Variants in PTPRD observed in about 807,000 individuals in gnomAD.
PTPRD encodes the protein receptor-type tyrosine-protein phosphatase delta.
Under a neutral mutation model 214.5 loss-of-function variants are expected in PTPRD, and 34 were observed. That is an observed-to-expected ratio of 0.16 (90% CI 0.12 to 0.21). PTPRD has a LOEUF of 0.21. Ranked by LOEUF, PTPRD falls within the 10% of genes least tolerant of loss-of-function variation. The pLI, the probability that PTPRD is intolerant of heterozygous loss-of-function variation, is 1.00. For synonymous variants in PTPRD, 1,128 were observed against 845.7 expected (o/e 1.33, Z -5.79); for missense variants, 2,545 against 2,398.7 (o/e 1.06, Z -1.27).
chr9:9,964,559 CTT>C (rs1478493513), intron 4 of PTPRD, among the ~76,000 whole-genome samples: 1 of 152,170 alleles, frequency 6.6e-6, no homozygotes, highest in Non-Finnish European at 1.5e-5. Flanking sequence ...AGGAAATCCT[CTT>C]GACGTGGGTT....
At chr9:10,020,290 A>G (rs947270997) in intron 4 of PTPRD, among the ~76,000 whole-genome samples, 9 of 152,260 alleles carry the variant, frequency 5.9e-5, no homozygotes, top group African/African-American at 1.7e-4. Flanking sequence ...TATCAATACA[A>G]TATTAGTTTC....
chr9:9,955,873 T>C (rs1328603136), intron 4 of PTPRD, among the ~76,000 whole-genome samples: 1 of 152,104 alleles, frequency 6.6e-6, no homozygotes, highest in African/African-American at 2.4e-5. Context: ...ACAAAGATTT[T>C]CCAAAACTTA....
chr9:10,050,431 GCGT>G (rs1036314840), intron 3 of PTPRD, among the ~76,000 whole-genome samples: 2 of 150,850 alleles, frequency 1.3e-5, no homozygotes, highest in Non-Finnish European at 3.0e-5. Flanking sequence ...GTGGTGGCGC[GCGT>G]CTGTAGTCCC....
chr9:8,688,053 T>A (rs1036996478), intron 12 of PTPRD, among the ~76,000 whole-genome samples: 3 of 152,248 alleles, frequency 2.0e-5, no homozygotes, highest in Non-Finnish European at 4.4e-5. Context: ...ATGAGAGTTA[T>A]GTGGCTTAAA....
intron 10 of PTPRD, among the ~76,000 whole-genome samples, chr9:9,148,534 T>C (rs1329411823): frequency 6.6e-6 from 1 of 152,158 alleles, no homozygotes. Context: ...CTCACCCCCA[T>C]ATGGCTGACA....
intron 2 of PTPRD, among the ~76,000 whole-genome samples, chr9:10,430,871 C>G (rs1402885141): frequency 6.6e-6 from 1 of 151,884 alleles, no homozygotes; most frequent in Non-Finnish European, 1.5e-5. Flanking sequence ...GTTGACAACA[C>G]TTAGTGATAA....
chr9:10,115,092 A>G (rs2098720283), intron 3 of PTPRD, among the ~76,000 whole-genome samples: 1 of 151,954 alleles, frequency 6.6e-6, no homozygotes, highest in Non-Finnish European at 1.5e-5. Context: ...TGTGGCAAGG[A>G]CAAGGTTTAG....
intron 11 of PTPRD, among the ~76,000 whole-genome samples, chr9:8,734,260 A>G (rs148769105): frequency 0.012 from 1,836 of 152,348 alleles, 14 homozygotes; most frequent in Non-Finnish European, 0.017. Flanking sequence ...GACCTAAAAA[A>G]GGAACTGTCA....
intron 9 of PTPRD, among the ~76,000 whole-genome samples, chr9:9,283,459 C>T (rs1200757212): frequency 1.4e-5 from 2 of 138,520 alleles, no homozygotes; most frequent in African/African-American, 5.6e-5. Context: ...CTTTCAGGCA[C>T]AGCATAATGT....
intron 9 of PTPRD, among the ~76,000 whole-genome samples, chr9:9,214,630 T>A (rs1347280605): frequency 6.6e-6 from 1 of 152,182 alleles, no homozygotes; most frequent in Non-Finnish European, 1.5e-5. Flanking sequence ...GACCTCTCTG[T>A]GACTTTTTTG....
chr9:10,605,116 T>G (rs559601749), intron 2 of PTPRD, among the ~76,000 whole-genome samples: 1 of 151,954 alleles, frequency 6.6e-6, no homozygotes, highest in South Asian at 2.1e-4. Context: ...AATTGCACTT[T>G]TGCCTTCCTC....
chr9:9,714,061 A>C (rs1455677295), intron 7 of PTPRD, among the ~76,000 whole-genome samples: 2 of 146,346 alleles, frequency 1.4e-5, no homozygotes, highest in African/African-American at 5.1e-5. Context: ...ACCCCAGTAC[A>C]TCTTTTACAA....
rs140009143 is a variant in PTPRD, at chr9:10,317,229, T to C, written c.-545+23734A>G. 9.2e-3 allele frequency among the ~76,000 whole-genome samples: 1,396 copies of C among 152,116 alleles called. 12 individuals are homozygous for C. Among genetic ancestry groups the C allele is most frequent in the Middle Eastern group, 0.034 (10 of 294 alleles). Reference sequence around the variant, plus strand: ...AAATATAATTGGGGGCTAGTGTTTTTTGCCTGTATTACCTATCTAATTTAA... The same window carrying C: ...AAATATAATTGGGGGCTAGTGTTTTCTGCCTGTATTACCTATCTAATTTAA... On this transcript the variant is annotated intron_variant, in intron 3 of 45. Transcript: ENST00000381196.
intron 9 of PTPRD, among the ~76,000 whole-genome samples, chr9:9,194,614 C>T (rs1256371108): frequency 6.6e-6 from 1 of 152,064 alleles, no homozygotes; most frequent in East Asian, 1.9e-4. Context: ...GACTGTATTG[C>T]TCTATCAAGT....
At chr9:10,071,025 C>G (rs1007250859) in intron 3 of PTPRD, among the ~76,000 whole-genome samples, 1 of 151,774 alleles carries the variant, frequency 6.6e-6, no homozygotes, top group African/African-American at 2.4e-5. Flanking sequence ...TATGATAGTA[C>G]AAAAATCAAA....
At chr9:9,696,864 T>A (rs1300637723) in intron 7 of PTPRD, among the ~76,000 whole-genome samples, 1 of 152,134 alleles carries the variant, frequency 6.6e-6, no homozygotes, top group Non-Finnish European at 1.5e-5. Context: ...TCTGGTTGTT[T>A]TACAAATTCT....
At chr9:10,360,701 G>C (rs2097364099) in intron 2 of PTPRD, among the ~76,000 whole-genome samples, 1 of 152,104 alleles carries the variant, frequency 6.6e-6, no homozygotes, top group African/African-American at 2.4e-5. Flanking sequence ...ATTTAGCACG[G>C]TTTTTAATCT....
At chr9:9,572,766 C>G (rs1353007626) in intron 8 of PTPRD, among the ~76,000 whole-genome samples, 1 of 150,858 alleles carries the variant, frequency 6.6e-6, no homozygotes, top group South Asian at 2.1e-4. Context: ...GACATTTCAA[C>G]GAATAGTGTA....
chr9:9,131,122 G>A (rs2099841925), intron 10 of PTPRD, among the ~76,000 whole-genome samples: 1 of 152,148 alleles, frequency 6.6e-6, no homozygotes. Flanking sequence ...GGAGTAAAAA[G>A]TTGAGAGAAT....
Sources: gnomAD v4.1 joint callset for allele counts (sites outside exome capture counted in the v4.1 genomes callset) on GRCh38, gnomAD v4.1.1 for gene constraint, MANE v1.5 for transcripts, NCBI Gene and HGNC (gene_info 2026-07-23, HGNC 2026-07-21) for gene names.